The following PAX2 variants were observed in gnomAD, a reference collection of about 807,000 sequenced individuals.
The protein encoded by PAX2 is paired box 2.
Under a neutral mutation model 41.7 loss-of-function variants are expected in PAX2, and 9 were observed. The observed-to-expected ratio is 0.22, with a 90% confidence interval of 0.13 to 0.38. The LOEUF (loss-of-function observed/expected upper bound fraction) is 0.38, where lower values mean the gene tolerates loss of function less well. Ranked by LOEUF, PAX2 falls within the 10% of genes least tolerant of loss-of-function variation. PAX2 has a pLI of 1.00. For synonymous variants in PAX2, 221 were observed against 212.7 expected, an observed-to-expected ratio of 1.04 and a Z score of -0.34; for missense variants, 418 against 531.6, an observed-to-expected ratio of 0.79 and a Z score of 2.10.
rs1848659346 is a variant in PAX2, at chr10:100,828,320, C to T, written c.*701C>T. On this transcript the variant is annotated 3_prime_UTR_variant, in exon 10 of 10. Coordinates refer to ENST00000355243, the MANE Select transcript of PAX2 (RefSeq NM_000278.5). This position sits in a 1 kb window ranked among gnomAD's most constrained non-coding sequence, Gnocchi z 6.5. Reference sequence around the variant, plus strand: ...GGTTGGGACCCAAGGATCGGGGGGCCCAGCAGCCCGCACCGATCGAGCCGG... The same window carrying T: ...GGTTGGGACCCAAGGATCGGGGGGCTCAGCAGCCCGCACCGATCGAGCCGG... 4.3e-6 allele frequency: 1 copy of T among 232,680 alleles called. No individual in the cohort carries two copies. Among genetic ancestry groups the T allele is most frequent in the Non-Finnish European group, 8.5e-6 (1 of 117,794 alleles). The allele number at this position is 232,680 out of a possible 1,614,324, so 14.4% of individuals were successfully genotyped here.
chr10:100,806,687 A>G, intron 6 of PAX2, 82 bp downstream of exon 6: 1 of 1,158,780 alleles, frequency 8.6e-7, no homozygotes, highest in Non-Finnish European at 1.3e-6. Flanking sequence ...ACTAAACACC[A>G]CATGCATAGC....
intron 7 of PAX2, among the ~76,000 whole-genome samples, chr10:100,813,194 C>T (rs1848057275): frequency 6.6e-6 from 1 of 152,252 alleles, no homozygotes; most frequent in South Asian, 2.1e-4. Flanking sequence ...ACTGCACCCA[C>T]AGGCTTCACT....
rs1176419401 is a variant in PAX2 at position 100,748,180 on chromosome 10, C to T, written c.44-1566C>T. 3 of 985,094 alleles carry T rather than the reference C, an allele frequency of 3.0e-6. No individual in the cohort carries two copies. Among genetic ancestry groups the T allele is most frequent in the East Asian group, 1.1e-4 (1 of 8,720 alleles). The allele number at this position is 985,094 out of a possible 1,614,324, so 61.0% of individuals were successfully genotyped here. A position where few individuals can be genotyped will look rare whatever the true frequency, so the allele number is the denominator to read the frequency against. On this transcript the variant is annotated intron_variant, in intron 1 of 9. Coordinates refer to ENST00000355243, the MANE Select transcript of PAX2 (RefSeq NM_000278.5). This position sits in a 1 kb window ranked among gnomAD's most constrained non-coding sequence, Gnocchi z 5.0. ...GGGCTGAGGGGCCGGGCCCTGAGCC[C>T]GGGGAGGCTGAATTATTCATCTTTA...
upstream of PAX2, among the ~76,000 whole-genome samples, chr10:100,743,282 C>T (rs1011273639): frequency 2.0e-5 from 3 of 152,154 alleles, no homozygotes; most frequent in African/African-American, 4.8e-5. Flanking sequence ...GCACACTTGG[C>T]GCATTAAGTC....
At chr10:100,747,177 T>G (rs926153581) in intron 1 of PAX2, 45 of 152,146 alleles carry the variant, frequency 3.0e-4, no homozygotes, top group African/African-American at 1.0e-3. Flanking sequence ...CTCTGGAGGC[T>G]CCTTGCCTAG....
In PAX2 at chr10:100,826,978, G is replaced by C. The variant is rs763918977; in HGVS notation, c.1022-31G>C. 4.6e-6 allele frequency: 7 copies of C among 1,529,744 alleles called. No individual in the cohort carries two copies. In the East Asian group the frequency reaches 1.6e-4, roughly 34 times the overall value. 94.8% of individuals were successfully genotyped at this position (1,529,744 alleles called of 1,614,324 possible). A position where few individuals can be genotyped will look rare whatever the true frequency, so the allele number is the denominator to read the frequency against. On this transcript the variant is annotated intron_variant, in intron 8 of 9. Coordinates refer to ENST00000355243, the MANE Select transcript of PAX2 (RefSeq NM_000278.5). The surrounding 1 kb of genome is among the most constrained non-coding windows in gnomAD (Gnocchi z 5.5). ...GTGGGGTCCGCCCTGGCTTGCAGGC[G>C]TCTGATCCCCACTCCCCGACCCTCC...
Position 100,745,846 on chromosome 10 carries a change from C to T in PAX2, c.-415C>T. ...TCCCCTCCCGGCGCCCTCTGACCGC[C>T]CCCGCCCCGCGCGCTCTCCGACCAC... On this transcript the variant is annotated 5_prime_UTR_variant, in exon 1 of 10. Transcript: ENST00000355243. 9.1e-7 allele frequency: 1 copy of T among 1,104,494 alleles called. No individual in the cohort carries two copies. The highest frequency in any genetic ancestry group is 1.1e-6 in the Non-Finnish European group (1 of 906,408). The allele number at this position is 1,104,494 out of a possible 1,614,324, so 68.4% of individuals were successfully genotyped here. A position where few individuals can be genotyped will look rare whatever the true frequency, so the allele number is the denominator to read the frequency against.
intron 5 of PAX2, among the ~76,000 whole-genome samples, chr10:100,801,611 T>C (rs1346569569): frequency 6.6e-6 from 1 of 152,178 alleles, no homozygotes; most frequent in African/African-American, 2.4e-5. Context: ...TATGGTAACA[T>C]GAAAAATTTG....
At position 100,827,491 on chromosome 10, in the gene PAX2, TCTC is replaced by T. The variant is rs1848616661; in HGVS notation, c.1109-49_1109-47del. The stretch of plus-strand genomic sequence containing the variant: ...TCTGTGCTTTTCTTTCCTTTTTTGT[TCTC>T]CTGTTTGTCCTCTCACCCAGCCCAT... On this transcript the variant is annotated intron_variant, in intron 9 of 9. Coordinates refer to ENST00000355243, the MANE Select transcript of PAX2 (RefSeq NM_000278.5). The surrounding 1 kb of genome is among the most constrained non-coding windows in gnomAD (Gnocchi z 8.5). 1 of 1,572,428 alleles carries T rather than the reference TCTC, an allele frequency of 6.4e-7. No individual in the cohort carries two copies. The highest frequency in any genetic ancestry group is 8.8e-7 in the Non-Finnish European group (1 of 1,142,210).
chr10:100,755,866 CA>C (rs1343239538), intron 3 of PAX2, among the ~76,000 whole-genome samples: 1 of 152,068 alleles, frequency 6.6e-6, no homozygotes, highest in Non-Finnish European at 1.5e-5. Context: ...AGAAGGGAAA[CA>C]GGGGTGCCTG....
intron 3 of PAX2, among the ~76,000 whole-genome samples, chr10:100,764,243 A>C (rs543967315): frequency 6.9e-6 from 1 of 144,552 alleles, no homozygotes; most frequent in Admixed American, 7.4e-5. Flanking sequence ...TCCCGGGTTC[A>C]TGCCATTCTT....
At chr10:100,772,882 A>T (rs1051033930) in intron 3 of PAX2, among the ~76,000 whole-genome samples, 13 of 152,204 alleles carry the variant, frequency 8.5e-5, no homozygotes, top group Admixed American at 7.8e-4. Context: ...AAAGGATTTC[A>T]TGGTGACATA....
Position 100,750,631 on chromosome 10 carries a change from C to CT in PAX2, c.213-62dup. 6.9e-7 allele frequency: 1 copy of CT among 1,439,644 alleles called. No individual in the cohort carries two copies. Among genetic ancestry groups the CT allele is most frequent in the East Asian group, 2.3e-5 (1 of 43,296 alleles). 89.2% of individuals were successfully genotyped at this position (1,439,644 alleles called of 1,614,324 possible). A position where few individuals can be genotyped will look rare whatever the true frequency, so the allele number is the denominator to read the frequency against. On this transcript the variant is annotated intron_variant, in intron 2 of 9. Transcript: ENST00000355243. The surrounding 1 kb of genome is among the most constrained non-coding windows in gnomAD (Gnocchi z 4.1). ...GAGAGTGGCTCAGCAGCTCTGGAAC[C>CT]TGCAGCCCCCCTGCCCCGCCACAGT...
Position 100,827,319 on chromosome 10 carries a change from C to A in PAX2, c.1108+224C>A, listed in dbSNP as rs933558468. On this transcript the variant is annotated intron_variant, in intron 9 of 9. Coordinates refer to ENST00000355243, the MANE Select transcript of PAX2 (RefSeq NM_000278.5). The surrounding 1 kb of genome is among the most constrained non-coding windows in gnomAD (Gnocchi z 8.5). Reference sequence around the variant, plus strand: ...CTCTGCGCCGCCCTCGCCCTCGGATCCCCTGGAGGGTGCGCAGCCGGGCGT... The same window carrying A: ...CTCTGCGCCGCCCTCGCCCTCGGATACCCTGGAGGGTGCGCAGCCGGGCGT... 1.3e-5 allele frequency among the ~76,000 whole-genome samples: 2 copies of A among 152,200 alleles called. No individual in the cohort carries two copies. Among genetic ancestry groups the A allele is most frequent in the African/African-American group, 4.8e-5 (2 of 41,470 alleles).
rs139038235 is a variant in PAX2, at chr10:100,782,712, T to A, written c.616+1347T>A. 5.2e-5 allele frequency among the ~76,000 whole-genome samples: 8 copies of A among 152,398 alleles called. No individual in the cohort carries two copies. The East Asian group carries it at 1.2e-3, about 22-fold the overall frequency. ...CCTTCTTCCAAAATATCCAAACCGA[T>A]TTGGCCGCCACGGCCTTTGCCATTC... is the stretch of plus-strand genomic sequence containing the variant. On this transcript the variant is annotated intron_variant, in intron 5 of 9. Transcript: ENST00000355243.
At chr10:100,771,760 T>A (rs1261014249) in intron 3 of PAX2, among the ~76,000 whole-genome samples, 1 of 152,140 alleles carries the variant, frequency 6.6e-6, no homozygotes, top group Admixed American at 6.5e-5. Context: ...GTTGAAGCAA[T>A]AACCACCTGC....
chr10:100,744,573 A>G (rs1012212467), upstream of PAX2, among the ~76,000 whole-genome samples: 2 of 152,176 alleles, frequency 1.3e-5, no homozygotes, highest in African/African-American at 4.8e-5. Flanking sequence ...CCCCGGATCC[A>G]CCGAGCTAGC....
intron 1 of PAX2, among the ~76,000 whole-genome samples, chr10:100,739,525 CT>C (rs1361643333): frequency 6.6e-6 from 1 of 152,170 alleles, no homozygotes; most frequent in Non-Finnish European, 1.5e-5. Context: ...CCTCCCGCCC[CT>C]CTCCAACTCT....
exon 10 of PAX2, chr10:100,829,943 T>TC (rs1328271482): frequency 5.9e-6 from 1 of 169,358 alleles, no homozygotes; most frequent in Non-Finnish European, 1.3e-5. Flanking sequence ...TGTATGTCAC[T>TC]CCCCATGGCT....
Sources: gnomAD v4.1 joint callset for allele counts (sites outside exome capture counted in the v4.1 genomes callset) on GRCh38, gnomAD v4.1.1 for gene constraint, Gnocchi (gnomAD v3.1) non-coding constraint, MANE v1.5 for transcripts, NCBI Gene and HGNC (gene_info 2026-07-23, HGNC 2026-07-21) for gene names.